The following MBNL2 variants were observed in gnomAD, a reference collection of about 807,000 sequenced individuals.
The protein encoded by MBNL2 is muscleblind-like protein 2.
Under a neutral mutation model 41.9 loss-of-function variants are expected in MBNL2, and 17 were observed. That is an observed-to-expected ratio of 0.41 (90% CI 0.28 to 0.61). MBNL2 has a LOEUF of 0.61. Ranked by LOEUF, MBNL2 falls within the 20% of genes least tolerant of loss-of-function variation. MBNL2 has a pLI of 0.35. For synonymous variants in MBNL2, 195 were observed against 182.9 expected (o/e 1.07, Z -0.53); for missense variants, 336 against 505.6 (o/e 0.66, Z 3.22).
At chr13:97,264,479 T>C (rs917238386) in intron 1 of MBNL2, among the ~76,000 whole-genome samples, 1 of 152,226 alleles carries the variant, frequency 6.6e-6, no homozygotes, top group Non-Finnish European at 1.5e-5. Context: ...CTTCTGACAC[T>C]TCATTCTGTC....
chr13:97,331,889 A>G (rs1321464588), intron 2 of MBNL2, among the ~76,000 whole-genome samples: 2 of 152,250 alleles, frequency 1.3e-5, no homozygotes, highest in Non-Finnish European at 2.9e-5. Context: ...GAAATAGCTT[A>G]TATGGTTCCC....
chr13:97,289,438 A>C (rs1222544405), intron 2 of MBNL2, among the ~76,000 whole-genome samples: 1 of 152,032 alleles, frequency 6.6e-6, no homozygotes, highest in African/African-American at 2.4e-5. Context: ...GAGGCATTTA[A>C]ATCATATGGC....
intron 8 of MBNL2, among the ~76,000 whole-genome samples, chr13:97,374,063 A>ATTTTTTTTT (rs61185219): frequency 0.055 from 3,477 of 63,058 alleles, 584 homozygotes; most frequent in Non-Finnish European, 0.077. Flanking sequence ...CCTCCTTTGC[A>ATTTTTTTTT]TTTTTTTTTT....
the MBNL2 span, among the ~76,000 whole-genome samples, chr13:97,197,133 T>C: frequency 4.8e-3 from 734 of 152,336 alleles, 3 homozygotes; most frequent in African/African-American, 0.017. Flanking sequence ...CTCTCCTATC[T>C]GTAAACTCAG....
chr13:97,252,270 A>G lies in MBNL2; in HGVS notation c.-604-23362A>G, dbSNP rs2046716867. Among the ~76,000 whole-genome samples the G allele has an allele frequency of 3.3e-5, 5 of 152,228 alleles. No individual in the cohort carries two copies. In the South Asian group the frequency reaches 1.0e-3, roughly 31 times the overall value. ...GTTTTAATTGTTTTAGATTAATAGT[A>G]CATGTATCCAGATATACCAAAGCCA... On this transcript the variant is annotated intron_variant, in intron 1 of 8. Transcript: ENST00000679496.
At chr13:97,148,540 G>A in the MBNL2 span, among the ~76,000 whole-genome samples, 1 of 152,160 alleles carries the variant, frequency 6.6e-6, no homozygotes, top group Admixed American at 6.5e-5. Context: ...ATAATCAGGG[G>A]AGGCTATTCA....
chr13:97,152,254 G>T, the MBNL2 span, among the ~76,000 whole-genome samples: 1 of 152,040 alleles, frequency 6.6e-6, no homozygotes, highest in Non-Finnish European at 1.5e-5. Context: ...AAACCTTCTA[G>T]AATGGGGAAA....
At chr13:97,223,272 G>T (rs2041075058) in intron 1 of MBNL2, among the ~76,000 whole-genome samples, 1 of 152,124 alleles carries the variant, frequency 6.6e-6, no homozygotes, top group Non-Finnish European at 1.5e-5. Context: ...TTTAATGAGG[G>T]CAGGCTAGCT....
the MBNL2 span, among the ~76,000 whole-genome samples, chr13:97,157,007 T>A: frequency 2.0e-5 from 3 of 150,166 alleles, no homozygotes; most frequent in African/African-American, 4.9e-5. Flanking sequence ...TTCACGATAT[T>A]GATTCTTCCT....
intron 2 of MBNL2, among the ~76,000 whole-genome samples, chr13:97,318,854 G>A (rs1163541064): frequency 1.3e-5 from 2 of 152,214 alleles, no homozygotes; most frequent in Non-Finnish European, 2.9e-5. Flanking sequence ...TGCCCACTGG[G>A]ACACAGAGAT....
chr13:97,197,302 A>G, the MBNL2 span, among the ~76,000 whole-genome samples: 3 of 152,244 alleles, frequency 2.0e-5, no homozygotes, highest in Non-Finnish European at 4.4e-5. Flanking sequence ...AATCAGAAGA[A>G]AAAAGAATGA....
At chr13:97,202,102 C>A in the MBNL2 span, among the ~76,000 whole-genome samples, 2 of 152,062 alleles carry the variant, frequency 1.3e-5, no homozygotes, top group Admixed American at 6.5e-5. Flanking sequence ...TTTTAAAGTT[C>A]TCTTTTAGAA....
intron 7 of MBNL2, chr13:97,362,951 C>T (rs1479407840): frequency 3.9e-5 from 6 of 152,284 alleles, no homozygotes; most frequent in East Asian, 3.9e-4. Context: ...ACTTTCAGTT[C>T]GGTCTAGAGT....
intron 2 of MBNL2, among the ~76,000 whole-genome samples, chr13:97,318,488 G>A (rs2059239369): frequency 6.6e-6 from 1 of 152,114 alleles, no homozygotes; most frequent in South Asian, 2.1e-4. Context: ...GAAACAGCAC[G>A]GTGTCTAGCA....
At chr13:97,309,064 T>C (rs1274989840) in intron 2 of MBNL2, among the ~76,000 whole-genome samples, 1 of 152,004 alleles carries the variant, frequency 6.6e-6, no homozygotes, top group African/African-American at 2.4e-5. Flanking sequence ...AGTGTGGGTG[T>C]GTTTGGAATC....
intron 1 of MBNL2, among the ~76,000 whole-genome samples, chr13:97,239,758 G>T (rs1397281366): frequency 1.3e-5 from 2 of 152,222 alleles, no homozygotes; most frequent in Non-Finnish European, 2.9e-5. Flanking sequence ...CTGCTTGAGT[G>T]CTGTAGGATA....
intron 7 of MBNL2, among the ~76,000 whole-genome samples, chr13:97,364,212 G>A (rs1043765539): frequency 2.6e-5 from 4 of 152,102 alleles, no homozygotes; most frequent in African/African-American, 9.7e-5. Context: ...CTAAGAAAGG[G>A]TTGAAATTGC....
intron 7 of MBNL2, among the ~76,000 whole-genome samples, chr13:97,359,655 G>A (rs2063251418): frequency 6.6e-6 from 1 of 152,156 alleles, no homozygotes; most frequent in Non-Finnish European, 1.5e-5. Context: ...TCCGCCCTCT[G>A]GTGGATTCTT....
At chr13:97,373,287 T>C (rs2064571673) in intron 8 of MBNL2, among the ~76,000 whole-genome samples, 1 of 152,134 alleles carries the variant, frequency 6.6e-6, no homozygotes, top group Admixed American at 6.6e-5. Context: ...TAGCCACCTC[T>C]AACTTTTTGC....
Sources: gnomAD v4.1 joint callset for allele counts (sites outside exome capture counted in the v4.1 genomes callset) on GRCh38, gnomAD v4.1.1 for gene constraint, MANE v1.5 for transcripts, NCBI Gene and HGNC (gene_info 2026-07-23, HGNC 2026-07-21) for gene names.